The following GNAS-AS1 variants were observed in gnomAD, a reference collection of about 807,000 sequenced individuals.
GNAS-AS1 encodes GNAS antisense RNA 1, also known as GNAS antisense RNA 1 (non-protein coding).
chr20:58,846,602 G>A (rs948020995), intron 2 of GNAS-AS1, among the ~76,000 whole-genome samples: 2 of 152,186 alleles, frequency 1.3e-5, no homozygotes, highest in Admixed American at 1.3e-4. Context: ...TGGTCTTCAA[G>A]GTCCCCACTC....
intron 4 of GNAS-AS1, among the ~76,000 whole-genome samples, chr20:58,823,604 G>A (rs1341428648): frequency 1.3e-5 from 2 of 152,246 alleles, no homozygotes; most frequent in East Asian, 1.9e-4. Flanking sequence ...GCAGCTGGCC[G>A]GGGCCAGGTC....
intron 2 of GNAS-AS1, among the ~76,000 whole-genome samples, chr20:58,848,559 G>A (rs1367703480): frequency 1.3e-5 from 2 of 152,132 alleles, no homozygotes; most frequent in Admixed American, 6.5e-5. Context: ...AAAAAGCCCC[G>A]GCAAGGTTAG....
rs76501839 is a variant in GNAS-AS1 at position 58,850,440 on chromosome 20, G to C, written n.374+90C>G. On this transcript the variant is annotated intron_variant and non_coding_transcript_variant, in intron 1 of 4. Coordinates refer to ENST00000424094, the Ensembl canonical transcript of GNAS-AS1. ...CCGTTCCTCGACAAATGGTACTTTGGGGGTGAGCGCGAGGCCTGACGAAAG... is the reference window on the plus strand; with the variant it reads ...CCGTTCCTCGACAAATGGTACTTTGCGGGTGAGCGCGAGGCCTGACGAAAG... The C allele has an allele frequency of 9.6e-3, 3,821 of 397,664 alleles. 128 individuals are homozygous for C. Among genetic ancestry groups the C allele is most frequent in the African/African-American group, 0.072 (3,485 of 48,720 alleles). 24.6% of individuals were successfully genotyped at this position (397,664 alleles called of 1,614,324 possible).
At chr20:58,848,074 A>C (rs146061897) in intron 2 of GNAS-AS1, among the ~76,000 whole-genome samples, 4 of 152,344 alleles carry the variant, frequency 2.6e-5, no homozygotes, top group African/African-American at 9.6e-5. Flanking sequence ...TCAAAACGCC[A>C]CTGTTTGCCA....
At chr20:58,847,812 A>G (rs552464122) in intron 2 of GNAS-AS1, among the ~76,000 whole-genome samples, 1 of 152,304 alleles carries the variant, frequency 6.6e-6, no homozygotes, top group East Asian at 1.9e-4. Context: ...AAACCCAGAA[A>G]GCTGACAGGT....
intron 2 of GNAS-AS1, among the ~76,000 whole-genome samples, chr20:58,844,872 ATC>A (rs762097633): frequency 6.6e-6 from 1 of 152,088 alleles, no homozygotes; most frequent in African/African-American, 2.4e-5. Flanking sequence ...CTAGGAAGAA[ATC>A]TGTTTTGTGT....
chr20:58,844,830 C>CA (rs1442643199), intron 2 of GNAS-AS1, among the ~76,000 whole-genome samples: 4 of 151,618 alleles, frequency 2.6e-5, no homozygotes, highest in Non-Finnish European at 5.9e-5. Context: ...ACAACAACAA[C>CA]AAAAAACCCC....
intron 4 of GNAS-AS1, chr20:58,824,039 C>G (rs2085504186): frequency 5.0e-6 from 2 of 398,598 alleles, no homozygotes; most frequent in South Asian, 1.3e-4. Context: ...CTGACACGCT[C>G]TCTTTGGGGA....
At chr20:58,849,432 T>C (rs1408116407) in intron 1 of GNAS-AS1, among the ~76,000 whole-genome samples, 1 of 152,226 alleles carries the variant, frequency 6.6e-6, no homozygotes, top group Non-Finnish European at 1.5e-5. Context: ...CCTAAAGAGT[T>C]TTCTCTGACT....
At position 58,841,880 on chromosome 20, in the gene GNAS-AS1, A is replaced by C; in HGVS notation, n.819+57T>G. The C allele has an allele frequency of 8.1e-7, 1 of 1,231,460 alleles. No individual in the cohort carries two copies. Among genetic ancestry groups the C allele is most frequent in the Non-Finnish European group, 1.0e-6 (1 of 988,016 alleles). 76.3% of individuals were successfully genotyped at this position (1,231,460 alleles called of 1,614,324 possible). On this transcript the variant is annotated intron_variant and non_coding_transcript_variant, in intron 4 of 4. Coordinates refer to ENST00000424094, the Ensembl canonical transcript of GNAS-AS1. The surrounding 1 kb of genome is among the most constrained non-coding windows in gnomAD (Gnocchi z 5.0). ...GAGATCGTCGCAAGTGGAAAGGTAAAGCGGAACAAGGGACAGGCTGGAGAC... is the reference window on the plus strand; with the variant it reads ...GAGATCGTCGCAAGTGGAAAGGTAACGCGGAACAAGGGACAGGCTGGAGAC...
exon 4 of GNAS-AS1, chr20:58,842,033 G>A (rs566522944): frequency 4.1e-5 from 27 of 659,832 alleles, no homozygotes; most frequent in Non-Finnish European, 5.6e-5. Context: ...AGGAGGCAGG[G>A]GCCGGCGGCT....
At chr20:58,831,818 G>A (rs944833577) in intron 4 of GNAS-AS1, among the ~76,000 whole-genome samples, 1 of 151,998 alleles carries the variant, frequency 6.6e-6, no homozygotes, top group African/African-American at 2.4e-5. Flanking sequence ...CTTCTAGAAA[G>A]AAATGATATC....
intron 4 of GNAS-AS1, chr20:58,826,001 TC>T (rs2085517313): frequency 2.5e-6 from 1 of 398,464 alleles, no homozygotes; most frequent in South Asian, 1.3e-4. Flanking sequence ...ATTCTCTTTC[TC>T]CTGAGCTTGC....
At chr20:58,829,959 A>G (rs1040043389) in intron 4 of GNAS-AS1, among the ~76,000 whole-genome samples, 1 of 152,132 alleles carries the variant, frequency 6.6e-6, no homozygotes, top group Admixed American at 6.5e-5. Context: ...AGTTGTGCAG[A>G]CCAAACTCTA....
At chr20:58,820,864 C>T (rs888542573) in intron 4 of GNAS-AS1, among the ~76,000 whole-genome samples, 4 of 152,230 alleles carry the variant, frequency 2.6e-5, no homozygotes, top group African/African-American at 9.6e-5. Flanking sequence ...CACCCAGTTC[C>T]TCCCATGACA....
In GNAS-AS1 at chr20:58,841,812, G is replaced by T; in HGVS notation, n.819+125C>A. 8.1e-7 allele frequency: 1 copy of T among 1,230,948 alleles called. No individual in the cohort carries two copies. The highest frequency in any genetic ancestry group is 1.0e-6 in the Non-Finnish European group (1 of 987,986). 76.3% of individuals were successfully genotyped at this position (1,230,948 alleles called of 1,614,324 possible). On this transcript the variant is annotated intron_variant and non_coding_transcript_variant, in intron 4 of 4. Transcript: ENST00000424094. This position sits in a 1 kb window ranked among gnomAD's most constrained non-coding sequence, Gnocchi z 5.0. ...TGGCCAGGCTGCATGCGGCTTAGCAGGAGACGTCCTGGGCTGTTTGCGCAG... is the reference window on the plus strand; with the variant it reads ...TGGCCAGGCTGCATGCGGCTTAGCATGAGACGTCCTGGGCTGTTTGCGCAG...
intron 4 of GNAS-AS1, among the ~76,000 whole-genome samples, chr20:58,831,447 C>T (rs948349222): frequency 2.6e-5 from 4 of 152,112 alleles, no homozygotes; most frequent in Non-Finnish European, 4.4e-5. Flanking sequence ...GAGGCCGAGG[C>T]GGGCAGATCA....
intron 4 of GNAS-AS1, among the ~76,000 whole-genome samples, chr20:58,833,430 C>T (rs2085580586): frequency 6.6e-6 from 1 of 152,130 alleles, no homozygotes; most frequent in Admixed American, 6.5e-5. Context: ...GTTGAGAGGC[C>T]CTTCTTTCAT....
chr20:58,850,363 T>C (rs2086109634), intron 1 of GNAS-AS1, among the ~76,000 whole-genome samples: 1 of 152,164 alleles, frequency 6.6e-6, no homozygotes. Context: ...TCAGAAAGAA[T>C]GAACAAAGGG....
Sources: allele counts gnomAD v4.1 joint callset (sites outside exome capture counted in the v4.1 genomes callset), GRCh38; gene constraint gnomAD v4.1.1; non-coding constraint Gnocchi (gnomAD v3.1); transcripts MANE v1.5; gene names NCBI Gene and HGNC (gene_info 2026-07-23, HGNC 2026-07-21).